RUFY4: variants seen among roughly 807,000 people sequenced by gnomAD.
RUFY4 encodes the protein RUN and FYVE domain containing 4, also known as RUN and FYVE domain-containing protein 4.
A neutral mutation model predicts 69.0 loss-of-function variants in RUFY4; 73 were observed. The ratio of observed to expected loss-of-function variants is 1.06; its 90% confidence interval spans 0.88 to 1.29. The LOEUF (loss-of-function observed/expected upper bound fraction) is 1.29. RUFY4 is among the 50% of genes most tolerant of loss of function. The probability of loss-of-function intolerance (pLI) is 0.00; values close to 1 mark genes in which losing one functional copy is unlikely to be tolerated. For missense variants in RUFY4, 770 were observed against 705.6 expected (o/e 1.09, Z -1.03); for synonymous variants, 287 against 271.8 (o/e 1.06, Z -0.55).
intron 9 of RUFY4, among the ~76,000 whole-genome samples, chr2:218,084,127 A>G (rs1321171822): frequency 6.6e-6 from 1 of 152,204 alleles, no homozygotes; most frequent in Non-Finnish European, 1.5e-5. Flanking sequence ...AGTTGAGTAG[A>G]AAGAGAGTTC....
At chr2:218,073,521 T>C (rs56200756) in intron 5 of RUFY4, 135 bp downstream of exon 7, 201,418 of 1,262,038 alleles carry the variant, frequency 0.16, 26,669 homozygotes, top group African/African-American at 0.62. Flanking sequence ...GCCTTTGGAT[T>C]CTTCTAGCCC....
intron 3 of RUFY4, among the ~76,000 whole-genome samples, chr2:218,062,591 G>A (rs1689225462): frequency 6.6e-6 from 1 of 151,968 alleles, no homozygotes. Flanking sequence ...TGCACCTGTA[G>A]TCCTAGCTAC....
intron 8 of RUFY4, among the ~76,000 whole-genome samples, chr2:218,081,815 T>C (rs1689765056): frequency 6.6e-6 from 1 of 152,246 alleles, no homozygotes; most frequent in Admixed American, 6.5e-5. Flanking sequence ...GGAATGTCAG[T>C]GGCTGAGCTG....
chr2:218,081,082 G>A (rs1321809330), intron 8 of RUFY4, among the ~76,000 whole-genome samples: 4 of 152,164 alleles, frequency 2.6e-5, no homozygotes, highest in African/African-American at 9.7e-5. Flanking sequence ...TTCCTTCCAT[G>A]CTTCCATGTC....
At chr2:218,071,954 G>T (rs1026644264) in intron 2 of RUFY4, among the ~76,000 whole-genome samples, 2 of 152,180 alleles carry the variant, frequency 1.3e-5, no homozygotes, top group East Asian at 3.9e-4. Context: ...TTCAGCTGGG[G>T]CACAGGAAAG....
At chr2:218,052,380 T>C (rs1688963440) in intron 2 of RUFY4, among the ~76,000 whole-genome samples, 1 of 152,204 alleles carries the variant, frequency 6.6e-6, no homozygotes, top group South Asian at 2.1e-4. Context: ...AACCATGCAT[T>C]CCGTTGCCCA....
At chr2:218,035,847 A>G (rs569810264) in intron 2 of RUFY4, among the ~76,000 whole-genome samples, 1 of 152,316 alleles carries the variant, frequency 6.6e-6, no homozygotes, top group South Asian at 2.1e-4. Flanking sequence ...CCTCTCCTCA[A>G]AGAACACACA....
chr2:218,089,951 G>T lies in RUFY4; in HGVS notation c.1614-1G>T. The T allele has an allele frequency of 6.4e-7, 1 of 1,557,136 alleles. No individual in the cohort carries two copies. Among genetic ancestry groups the T allele is most frequent in the East Asian group, 2.4e-5 (1 of 41,556 alleles). ...CAGGCTTTCCTGCCTCTGCCTTCCA[G>T]GCTCTGTGGAGGCCTGCTCTGCCAT... On this transcript the variant is annotated splice_acceptor_variant, in intron 10 of 10. Coordinates refer to ENST00000344321, the Ensembl canonical transcript of RUFY4. LOFTEE classifies it high-confidence loss of function.
chr2:218,075,496 A>G, exon 7 of RUFY4: 1 of 1,585,116 alleles, frequency 6.3e-7, no homozygotes, highest in Non-Finnish European at 8.6e-7. Flanking sequence ...ACTCACAAAA[A>G]GGAAGCAGAG....
intron 2 of RUFY4, among the ~76,000 whole-genome samples, chr2:218,054,802 A>G (rs2106033659): frequency 6.6e-6 from 1 of 152,328 alleles, no homozygotes; most frequent in South Asian, 2.1e-4. Flanking sequence ...TAGTTTAACA[A>G]CAATTTGGTG....
intron 1 of RUFY4, chr2:218,035,187 G>A (rs996899734): frequency 5.9e-5 from 9 of 152,410 alleles, no homozygotes; most frequent in Admixed American, 5.9e-4. Flanking sequence ...TCTCCTGGGT[G>A]AGTAGCAGGG....
chr2:218,050,035 C>T (rs1688910043), intron 2 of RUFY4, among the ~76,000 whole-genome samples: 3 of 152,144 alleles, frequency 2.0e-5, no homozygotes, highest in Admixed American at 2.0e-4. Context: ...GGAGTGAGAA[C>T]TTCTATCCTC....
At chr2:218,058,703 C>A (rs1387778016) in intron 3 of RUFY4, 1 of 152,212 alleles carries the variant, frequency 6.6e-6, no homozygotes, top group East Asian at 1.9e-4. Flanking sequence ...GTGCCAGACA[C>A]CACCATATGA....
At chr2:218,053,126 G>A (rs753838749) in intron 2 of RUFY4, among the ~76,000 whole-genome samples, 1 of 151,720 alleles carries the variant, frequency 6.6e-6, no homozygotes, top group Non-Finnish European at 1.5e-5. Flanking sequence ...TGCCTGGCTC[G>A]TGATTCTATT....
At chr2:218,085,810 T>C (rs1407370350) in intron 9 of RUFY4, among the ~76,000 whole-genome samples, 3 of 152,220 alleles carry the variant, frequency 2.0e-5, no homozygotes, top group Non-Finnish European at 4.4e-5. Flanking sequence ...CATTTGGGTG[T>C]CTGGTTGTAG....
chr2:218,061,226 C>T lies in RUFY4; in HGVS notation c.-1071+2545C>T, dbSNP rs1407122254. ...TGACCAGCATCGGCAGGGAGTTTCACATCACGTTCAGTAGAAACATCAGGG... is the reference window on the plus strand; with the variant it reads ...TGACCAGCATCGGCAGGGAGTTTCATATCACGTTCAGTAGAAACATCAGGG... On this transcript the variant is annotated intron_variant and NMD_transcript_variant, in intron 3 of 13. Coordinates refer to the RUFY4 transcript ENST00000457754. 7 of 375,956 alleles carry T rather than the reference C, an allele frequency of 1.9e-5. No individual in the cohort carries two copies. The Admixed American group carries it at 2.6e-4, about 14-fold the overall frequency. 23.3% of individuals were successfully genotyped at this position (375,956 alleles called of 1,614,324 possible).
chr2:218,075,077 T>C lies in RUFY4; in HGVS notation c.601-16T>C, dbSNP rs538719110. On this transcript the variant is annotated splice_polypyrimidine_tract_variant and intron_variant, in intron 6 of 10. Coordinates refer to ENST00000344321, the Ensembl canonical transcript of RUFY4. Reference sequence around the variant, plus strand: ...TGGTGCTGAGAGGGATGACTGGTTTTGGGTCCTCTCCACAGATCCCAGCCG... The same window carrying C: ...TGGTGCTGAGAGGGATGACTGGTTTCGGGTCCTCTCCACAGATCCCAGCCG... The C allele has an allele frequency of 6.7e-7, 1 of 1,496,146 alleles. No individual in the cohort carries two copies. The highest frequency in any genetic ancestry group is 2.5e-5 in the East Asian group (1 of 40,596). 92.7% of individuals were successfully genotyped at this position (1,496,146 alleles called of 1,614,324 possible).
intron 2 of RUFY4, among the ~76,000 whole-genome samples, chr2:218,042,287 T>G (rs1688713193): frequency 6.6e-6 from 1 of 152,234 alleles, no homozygotes; most frequent in South Asian, 2.1e-4. Flanking sequence ...AGAAAACTTG[T>G]ATTAGTTTCT....
intron 2 of RUFY4, among the ~76,000 whole-genome samples, chr2:218,040,790 C>T (rs79281820): frequency 0.015 from 2,301 of 152,080 alleles, 43 homozygotes; most frequent in East Asian, 0.084. Context: ...TATCATAGAT[C>T]CTCAGGTCTG....
Sources: gnomAD v4.1 joint callset for allele counts (sites outside exome capture counted in the v4.1 genomes callset) on GRCh38, gnomAD v4.1.1 for gene constraint, MANE v1.5 for transcripts, NCBI Gene and HGNC (gene_info 2026-07-23, HGNC 2026-07-21) for gene names.